Variants in CTDNEP1 observed in about 807,000 individuals in gnomAD.
CTDNEP1 encodes C-terminal domain nuclear envelope phosphatase 1.
A neutral mutation model predicts 30.1 loss-of-function variants in CTDNEP1; 3 were observed. The ratio of observed to expected loss-of-function variants is 0.10; its 90% CI spans 0.05 to 0.26. CTDNEP1 has a LOEUF of 0.26. CTDNEP1 is among the 10% of genes least tolerant of loss of function. CTDNEP1 has a pLI of 1.00. For missense variants in CTDNEP1, 158 were observed against 310.4 expected (o/e 0.51, Z 3.69); for synonymous variants, 123 against 118.8 (o/e 1.04, Z -0.23).
intron 1 of CTDNEP1, among the ~76,000 whole-genome samples, chr17:7,248,857 A>T (rs72839779): frequency 0.023 from 3,451 of 152,338 alleles, 69 homozygotes; most frequent in Non-Finnish European, 0.036. Context: ...GAGGGAATCC[A>T]GAGGTTGTCA....
rs1435508601 is a variant in CTDNEP1, at chr17:7,247,297, G to C, written c.149C>G (p.Pro50Arg). 5 of 1,613,970 alleles carry C rather than the reference G, an allele frequency of 3.1e-6. No homozygotes were observed. The highest frequency in any genetic ancestry group is 4.2e-6 in the Non-Finnish European group (5 of 1,179,990). The change falls in exon 2 of 8, where the codon CCT (proline) becomes CGT (arginine). Residue 50 changes from proline to arginine, a missense_variant. Physicochemically the swap from Pro to Arg is moderately radical, Grantham distance 103. Coordinates refer to ENST00000574322, the MANE Select transcript of CTDNEP1 (RefSeq NM_001143775.2). ...TVRYDILPLS[P>R]VSRNRLAQVK... ...CTTACCTAGCCGATTCCGGGACACA[G>C]GAGATAAGGGGAGGATATCATATCG... is the stretch of plus-strand genomic sequence containing the variant.
chr17:7,245,450 G>A (rs1266519891), intron 6 of CTDNEP1, among the ~76,000 whole-genome samples: 1 of 151,828 alleles, frequency 6.6e-6, no homozygotes, highest in East Asian at 1.9e-4. Flanking sequence ...GGAACAGAGT[G>A]AGACCCTATC....
intron 7 of CTDNEP1, 89 bp from the exon 8 acceptor site, chr17:7,244,334 G>A: frequency 7.1e-7 from 1 of 1,413,114 alleles, no homozygotes; most frequent in Non-Finnish European, 9.9e-7. Context: ...GGAGATGTGG[G>A]ACCTAAATTA....
chr17:7,243,903 C>G lies in CTDNEP1; in HGVS notation c.*282G>C. On this transcript the variant is annotated 3_prime_UTR_variant, in exon 8 of 8. Coordinates refer to ENST00000574322, the MANE Select transcript of CTDNEP1 (RefSeq NM_001143775.2). ...TCTGTCACTCTGGCCAGTCCTGCCT[C>G]TTCACAAACACTGATTCGGCTCTCC... The G allele has an allele frequency of 7.8e-7, 1 of 1,284,908 alleles. No individual in the cohort carries two copies. Among genetic ancestry groups the G allele is most frequent in the Admixed American group, 3.4e-5 (1 of 29,248 alleles). 79.6% of individuals were successfully genotyped at this position (1,284,908 alleles called of 1,614,324 possible).
Position 7,246,391 on chromosome 17 carries a change from G to A in CTDNEP1, c.361-21C>T. 5 of 1,535,934 alleles carry A rather than the reference G, an allele frequency of 3.3e-6. No homozygotes were observed. Among genetic ancestry groups the A allele is most frequent in the East Asian group, 2.2e-5 (1 of 44,478 alleles). On this transcript the variant is annotated intron_variant, in intron 4 of 7. Transcript: ENST00000574322. This position sits in a 1 kb window ranked among gnomAD's most constrained non-coding sequence, Gnocchi z 4.9. ...CTCACCTGAAATAGATTGGGGGAGA[G>A]GGCGATGCCATACAAGGTGATGATT...
At chr17:7,250,045 G>C (rs1022287137) in intron 1 of CTDNEP1, among the ~76,000 whole-genome samples, 1 of 152,002 alleles carries the variant, frequency 6.6e-6, no homozygotes, top group Admixed American at 6.6e-5. Flanking sequence ...TGTACTGTTC[G>C]CGCCCTAAAT....
intron 6 of CTDNEP1, 104 bp from the exon 7 acceptor site, chr17:7,244,739 C>A: frequency 1.2e-6 from 1 of 864,784 alleles, no homozygotes; most frequent in Non-Finnish European, 1.7e-6. Context: ...ATATATGCCT[C>A]CCACTACCGG....
chr17:7,247,796 T>C (rs1372603390), intron 1 of CTDNEP1, among the ~76,000 whole-genome samples: 1 of 151,796 alleles, frequency 6.6e-6, no homozygotes, highest in Non-Finnish European at 1.5e-5. Flanking sequence ...ACAACCATAA[T>C]ATTACTGTTA....
intron 1 of CTDNEP1, among the ~76,000 whole-genome samples, chr17:7,248,788 A>G (rs1489701634): frequency 6.6e-6 from 1 of 151,890 alleles, no homozygotes; most frequent in Non-Finnish European, 1.5e-5. Context: ...CAGATTCCCT[A>G]GTGCACATGG....
chr17:7,247,252 A>G (rs1328366369), intron 2 of CTDNEP1, 25 bp downstream of exon 2: 19 of 1,613,148 alleles, frequency 1.2e-5, no homozygotes, highest in Non-Finnish European at 1.5e-5. Flanking sequence ...TTCACCCTAA[A>G]GGAGGCTTCC....
In CTDNEP1 at chr17:7,244,386, C is replaced by T. The variant is rs938427836; in HGVS notation, c.675-141G>A. On this transcript the variant is annotated intron_variant, in intron 7 of 7. Transcript: ENST00000574322. ...TAGATAGGTTCAATTTGCCCACAGC[C>T]TACTAGCTAAAGTGATGAGCTTTGA... is the stretch of plus-strand genomic sequence containing the variant. 4 of 1,196,362 alleles carry T rather than the reference C, an allele frequency of 3.3e-6. No homozygotes were observed. In the African/African-American group the frequency reaches 4.5e-5, roughly 14 times the overall value. 74.1% of individuals were successfully genotyped at this position (1,196,362 alleles called of 1,614,324 possible). A position where few individuals can be genotyped will look rare whatever the true frequency, so the allele number is the denominator to read the frequency against.
At chr17:7,244,688 G>A (rs2071814992) in intron 6 of CTDNEP1, 53 bp from the exon 7 acceptor site, 29 of 1,340,098 alleles carry the variant, frequency 2.2e-5, no homozygotes, top group Non-Finnish European at 3.0e-5. Context: ...GAGAGACGGT[G>A]TTTTTCTCTT....
intron 7 of CTDNEP1, 134 bp downstream of exon 7, chr17:7,244,417 G>C (rs1268634828): frequency 1.7e-6 from 2 of 1,188,686 alleles, no homozygotes; most frequent in East Asian, 2.4e-5. Flanking sequence ...TTTGAAGTAA[G>C]ACGACCTGGG....
chr17:7,247,408 G>T, intron 1 of CTDNEP1, 65 bp from the exon 2 acceptor site: 1 of 1,228,430 alleles, frequency 8.1e-7, no homozygotes, highest in Non-Finnish European at 1.2e-6. Flanking sequence ...AACAGTAACA[G>T]GGAGCACATA....
Position 7,246,740 on chromosome 17 carries a change from C to A in CTDNEP1, c.360+51G>T, listed in dbSNP as rs1472762127. The stretch of plus-strand genomic sequence containing the variant: ...TCCAAATCCTCCCAATTCCCAGAGC[C>A]CTAAAACCATTCCTTCATTACAGAG... On this transcript the variant is annotated intron_variant, in intron 4 of 7. Coordinates refer to ENST00000574322, the MANE Select transcript of CTDNEP1 (RefSeq NM_001143775.2). This position sits in a 1 kb window ranked among gnomAD's most constrained non-coding sequence, Gnocchi z 4.9. 1.3e-6 allele frequency: 2 copies of A among 1,500,370 alleles called. No homozygotes were observed. Among genetic ancestry groups the A allele is most frequent in the Non-Finnish European group, 1.9e-6 (2 of 1,078,684 alleles). The allele number at this position is 1,500,370 out of a possible 1,614,324, so 92.9% of individuals were successfully genotyped here.
intron 7 of CTDNEP1, 54 bp from the exon 8 acceptor site, chr17:7,244,299 A>G: frequency 1.3e-6 from 2 of 1,574,900 alleles, no homozygotes; most frequent in Non-Finnish European, 1.7e-6. Flanking sequence ...ATACCCTCAC[A>G]ACACTCTTGT....
intron 1 of CTDNEP1, among the ~76,000 whole-genome samples, chr17:7,249,469 G>A (rs1350452032): frequency 6.6e-6 from 1 of 152,218 alleles, no homozygotes; most frequent in Admixed American, 6.5e-5. Flanking sequence ...CAGATTGGAA[G>A]GGAAGGGAGG....
In CTDNEP1 at chr17:7,246,554, C is replaced by A; in HGVS notation, c.361-184G>T. The A allele has an allele frequency of 1.6e-6, 1 of 639,424 alleles. No individual in the cohort carries two copies. The allele number at this position is 639,424 out of a possible 1,614,324, so 39.6% of individuals were successfully genotyped here. ...CAAACTCAGTGTTAGGCATCCTACA[C>A]TCTTATGATTCAGAAATGCAAGAAC... is the stretch of plus-strand genomic sequence containing the variant. On this transcript the variant is annotated intron_variant, in intron 4 of 7. Transcript: ENST00000574322. This position sits in a 1 kb window ranked among gnomAD's most constrained non-coding sequence, Gnocchi z 4.9.
chr17:7,247,597 T>G (rs989383959), intron 1 of CTDNEP1, among the ~76,000 whole-genome samples: 1 of 151,382 alleles, frequency 6.6e-6, no homozygotes, highest in Non-Finnish European at 1.5e-5. Flanking sequence ...GCCTCCCTAA[T>G]AGCTGGGACT....
Sources: allele counts gnomAD v4.1 joint callset (sites outside exome capture counted in the v4.1 genomes callset), GRCh38; gene constraint gnomAD v4.1.1; non-coding constraint Gnocchi (gnomAD v3.1); transcripts MANE v1.5; gene names NCBI Gene and HGNC (gene_info 2026-07-23, HGNC 2026-07-21).